Variants in TMTC3 observed in about 807,000 individuals in gnomAD.
TMTC3 encodes the protein transmembrane O-mannosyltransferase targeting cadherins 3, also known as protein O-mannosyl-transferase TMTC3.
In TMTC3, 52 loss-of-function variants were observed where a neutral mutation model predicts 92.2. That is an observed-to-expected ratio of 0.56 (90% CI 0.45 to 0.71). The LOEUF (loss-of-function observed/expected upper bound fraction) is 0.71. Ranked by LOEUF, TMTC3 falls within the 30% of genes least tolerant of loss-of-function variation. TMTC3 has a pLI of 0.00. For missense variants in TMTC3, 896 were observed against 1,057.1 expected (o/e 0.85, Z 2.11); for synonymous variants, 339 against 363.3 (o/e 0.93, Z 0.76).
intron 12 of TMTC3, among the ~76,000 whole-genome samples, chr12:88,191,050 C>CA (rs551538619): frequency 4.0e-4 from 59 of 146,918 alleles, no homozygotes; most frequent in South Asian, 1.3e-3. Context: ...TGGTTCTCAG[C>CA]AAAAAAAAAA....
chr12:88,192,515 T>C lies in TMTC3; in HGVS notation c.1707-89T>C, dbSNP rs1487511491. Reference sequence around the variant, plus strand: ...TGAGTTAAGAGAAAAAAAAGCTGTATGTGGAAAGGCTTAAAACTTGGCAAA... The same window carrying C: ...TGAGTTAAGAGAAAAAAAAGCTGTACGTGGAAAGGCTTAAAACTTGGCAAA... On this transcript the variant is annotated intron_variant, in intron 12 of 13. Transcript: ENST00000266712. 6 of 870,486 alleles carry C rather than the reference T, an allele frequency of 6.9e-6. No individual in the cohort carries two copies. In the African/African-American group the frequency reaches 8.5e-5, roughly 12 times the overall value. 53.9% of individuals were successfully genotyped at this position (870,486 alleles called of 1,614,324 possible).
At chr12:88,173,094 G>C in intron 8 of TMTC3, 1 of 1,271,256 alleles carries the variant, frequency 7.9e-7, no homozygotes, top group South Asian at 1.3e-5. Flanking sequence ...ACTTAAGTGA[G>C]TCATATTGAG....
At chr12:88,192,521 A>G in intron 12 of TMTC3, 83 bp from the exon 13 acceptor site, 2 of 960,970 alleles carry the variant, frequency 2.1e-6, no homozygotes, top group Non-Finnish European at 3.2e-6. Flanking sequence ...TGTATGTGGA[A>G]AGGCTTAAAA....
At chr12:88,185,719 TAATTCTTCA>T (rs2041369909) in intron 10 of TMTC3, among the ~76,000 whole-genome samples, 1 of 152,082 alleles carries the variant, frequency 6.6e-6, no homozygotes, top group Non-Finnish European at 1.5e-5. Context: ...CTGCCTTTCT[TAATTCTTCA>T]TTTGCTGAGA....
chr12:88,153,546 C>G lies in TMTC3; in HGVS notation c.408+37C>G, dbSNP rs80354126. On this transcript the variant is annotated intron_variant, in intron 3 of 13. Coordinates refer to ENST00000266712, the MANE Select transcript of TMTC3 (RefSeq NM_181783.4). ...TATGAACTGACTTTTTTTCTTTTTC[C>G]TTTTTTACAAATCCTGCACAGTGAT... 1,217 of 1,301,588 alleles carry G rather than the reference C, an allele frequency of 9.4e-4. 16 individuals carry two copies. In the East Asian group the frequency reaches 0.021, roughly 22 times the overall value. 80.6% of individuals were successfully genotyped at this position (1,301,588 alleles called of 1,614,324 possible). A position where few individuals can be genotyped will look rare whatever the true frequency, so the allele number is the denominator to read the frequency against.
At chr12:88,168,833 A>C (rs2138399185) in intron 7 of TMTC3, among the ~76,000 whole-genome samples, 1 of 152,348 alleles carries the variant, frequency 6.6e-6, no homozygotes, top group Non-Finnish European at 1.5e-5. Flanking sequence ...GAGCATGTTT[A>C]AATATAGATA....
intron 1 of TMTC3, among the ~76,000 whole-genome samples, chr12:88,143,393 C>T (rs1399971483): frequency 6.6e-6 from 1 of 152,138 alleles, no homozygotes; most frequent in Non-Finnish European, 1.5e-5. Context: ...AAATACTATT[C>T]ATTATCTTGT....
chr12:88,174,531 A>T (rs1381112677), intron 8 of TMTC3, 76 bp from the exon 9 acceptor site: 1 of 1,482,054 alleles, frequency 6.7e-7, no homozygotes, highest in Non-Finnish European at 9.1e-7. Flanking sequence ...GATACTTCTT[A>T]CCTCTGTTCT....
chr12:88,152,558 G>C (rs578048862), intron 2 of TMTC3, among the ~76,000 whole-genome samples: 9 of 152,186 alleles, frequency 5.9e-5, no homozygotes, highest in African/African-American at 2.2e-4. Flanking sequence ...TATTCGAACT[G>C]TGTGTTTTAT....
chr12:88,188,773 A>G (rs929869119), intron 10 of TMTC3, 70 bp from the exon 11 acceptor site: 3 of 729,452 alleles, frequency 4.1e-6, no homozygotes, highest in Non-Finnish European at 6.8e-6. Context: ...AATACATTTA[A>G]TCATTTCATT....
chr12:88,160,664 T>G lies in TMTC3; in HGVS notation c.625-15T>G, dbSNP rs2041065800. ...GTCGTTATTTGTTGCTTAAAACATT[T>G]CTTTTCTTTTTCAGTATACTTTGCC... On this transcript the variant is annotated splice_polypyrimidine_tract_variant and intron_variant, in intron 5 of 13. Transcript: ENST00000266712. The G allele has an allele frequency of 6.2e-7, 1 of 1,610,742 alleles. No homozygotes were observed. Among genetic ancestry groups the G allele is most frequent in the South Asian group, 1.1e-5 (1 of 90,264 alleles).
rs1297954570 is a variant in TMTC3 at position 88,195,517 on chromosome 12, C to T, written c.2613C>T (p.Asn871=). ...ATAATAAAAGTCAGTCTAAATCCAA[C>T]AAACAATTAGGAAAAAATGGAGACG... ...TSDNKSQSKS[N]KQLGKNGDEE... Residue 871 remains asparagine (N), a synonymous_variant, in exon 14 of 14, where the codon AAC becomes AAT. Transcript: ENST00000266712. 9 of 1,613,032 alleles carry T rather than the reference C, an allele frequency of 5.6e-6. No homozygotes were observed. The highest frequency in any genetic ancestry group is 1.6e-4 in the Middle Eastern group (1 of 6,074).
chr12:88,187,584 C>T (rs1279916283), intron 10 of TMTC3, among the ~76,000 whole-genome samples: 1 of 152,186 alleles, frequency 6.6e-6, no homozygotes, highest in African/African-American at 2.4e-5. Flanking sequence ...AAAAAATCTA[C>T]TTCCTTACTC....
At chr12:88,145,711 CGTGGG>C (rs1167183426) in intron 1 of TMTC3, among the ~76,000 whole-genome samples, 1 of 152,126 alleles carries the variant, frequency 6.6e-6, no homozygotes, top group Admixed American at 6.5e-5. Flanking sequence ...TATGTATTCA[CGTGGG>C]GTGGTAAATC....
intron 2 of TMTC3, among the ~76,000 whole-genome samples, chr12:88,149,079 G>A (rs2040910601): frequency 6.6e-6 from 1 of 152,116 alleles, no homozygotes; most frequent in East Asian, 1.9e-4. Context: ...AGTAAAAATA[G>A]TAAGTACACA....
chr12:88,142,461 G>A lies in TMTC3; in HGVS notation c.-55G>A, dbSNP rs1359565461. ...GCTGCTCTTCCTGAGGTTTTCCTAA[G>A]CCATCCCCTGGCGGAACCGCCCCCA... On this transcript the variant is annotated 5_prime_UTR_variant, in exon 1 of 14. Coordinates refer to ENST00000266712, the MANE Select transcript of TMTC3 (RefSeq NM_181783.4). 1 of 152,944 alleles carries A rather than the reference G, an allele frequency of 6.5e-6. No homozygotes were observed. The highest frequency in any genetic ancestry group is 1.5e-5 in the Non-Finnish European group (1 of 68,652). 9.5% of individuals were successfully genotyped at this position (152,944 alleles called of 1,614,324 possible).
chr12:88,173,619 C>T (rs1024191930), intron 8 of TMTC3, among the ~76,000 whole-genome samples: 2 of 151,974 alleles, frequency 1.3e-5, no homozygotes, highest in African/African-American at 2.4e-5. Flanking sequence ...TTTTTCACAC[C>T]GCATGTGTTC....
At chr12:88,171,569 A>G (rs2041205174) in intron 7 of TMTC3, among the ~76,000 whole-genome samples, 1 of 152,162 alleles carries the variant, frequency 6.6e-6, no homozygotes, top group African/African-American at 2.4e-5. Context: ...TCTAAAGTGT[A>G]TATGTACCAC....
intron 8 of TMTC3, chr12:88,173,139 G>C (rs2041223656): frequency 8.6e-7 from 1 of 1,165,720 alleles, no homozygotes; most frequent in African/African-American, 1.6e-5. Context: ...TAAGCAATCT[G>C]TAATTTCTTG....
Sources: allele counts gnomAD v4.1 joint callset (sites outside exome capture counted in the v4.1 genomes callset), GRCh38; gene constraint gnomAD v4.1.1; transcripts MANE v1.5; gene names NCBI Gene and HGNC (gene_info 2026-07-23, HGNC 2026-07-21).